E2F3: variants seen among roughly 807,000 people sequenced by gnomAD.
E2F3 encodes the protein transcription factor E2F3.
In E2F3, 11 loss-of-function variants were observed where a neutral mutation model predicts 44.4. The observed-to-expected ratio is 0.25, with a 90% CI of 0.16 to 0.41. E2F3 has a LOEUF of 0.41. Ranked by LOEUF, E2F3 falls within the 10% of genes least tolerant of loss-of-function variation. The pLI is 1.00. For synonymous variants in E2F3, 249 were observed against 253.0 expected (o/e 0.98, Z 0.15); for missense variants, 487 against 583.6 (o/e 0.83, Z 1.70).
At chr6:20,440,293 TA>T (rs1451091422) in intron 1 of E2F3, 1 of 152,216 alleles carries the variant, frequency 6.6e-6, no homozygotes, top group Admixed American at 6.5e-5. Context: ...CCAAAAAAAT[TA>T]AAATAATTTA....
chr6:20,429,424 G>A (rs539437935), intron 1 of E2F3, among the ~76,000 whole-genome samples: 5 of 152,188 alleles, frequency 3.3e-5, no homozygotes, highest in East Asian at 1.9e-4. Flanking sequence ...CCCTTTGTCC[G>A]GTGTATTCGC....
At chr6:20,454,899 ACT>A in intron 1 of E2F3, among the ~76,000 whole-genome samples, 1 of 152,322 alleles carries the variant, frequency 6.6e-6, no homozygotes, top group Admixed American at 6.5e-5. Flanking sequence ...ATTAGACTCC[ACT>A]GGATAGCTTT....
chr6:20,482,801 G>A lies in E2F3; in HGVS notation c.765G>A (p.Gln255=), dbSNP rs1452597766. 25 of 1,612,972 alleles carry A rather than the reference G, an allele frequency of 1.5e-5. No homozygotes were observed. Among genetic ancestry groups the A allele is most frequent in the Non-Finnish European group, 2.1e-5 (25 of 1,179,618 alleles). ...CTGAGGATGGGGGCATGCTGGCCCA[G>A]TGTCAAGGCCTGTCAAAAGAAGTGA... is the stretch of plus-strand genomic sequence containing the variant. ...SLSEDGGMLA[Q]CQGLSKEVTE... The change falls in exon 4 of 7, where the codon CAG becomes CAA. Residue 255 remains glutamine, a synonymous_variant. Coordinates refer to ENST00000346618, the MANE Select transcript of E2F3 (RefSeq NM_001949.5).
chr6:20,455,269 A>G (rs966821828), intron 1 of E2F3, among the ~76,000 whole-genome samples: 2 of 152,192 alleles, frequency 1.3e-5, no homozygotes, highest in African/African-American at 4.8e-5. Flanking sequence ...TGTGTGTTTC[A>G]TTGTAATAGT....
chr6:20,437,045 AG>A (rs1485197468), intron 1 of E2F3, among the ~76,000 whole-genome samples: 1 of 152,204 alleles, frequency 6.6e-6, no homozygotes, highest in Non-Finnish European at 1.5e-5. Context: ...CCTTGAGCCC[AG>A]GAGTTCAAGG....
chr6:20,476,372 CA>C (rs11284242), intron 1 of E2F3, among the ~76,000 whole-genome samples: 5,305 of 140,380 alleles, frequency 0.038, 264 homozygotes, highest in African/African-American at 0.12. Context: ...CTCCGGGTCT[CA>C]AAAAAAAAAA....
chr6:20,450,980 G>T (rs1292436872), intron 1 of E2F3, among the ~76,000 whole-genome samples: 1 of 152,100 alleles, frequency 6.6e-6, no homozygotes, highest in Non-Finnish European at 1.5e-5. Context: ...TGTCCCATTG[G>T]TCTATGTGTC....
chr6:20,460,340 C>T (rs1761458937), intron 1 of E2F3, among the ~76,000 whole-genome samples: 1 of 152,202 alleles, frequency 6.6e-6, no homozygotes, highest in Admixed American at 6.5e-5. Flanking sequence ...CTTCTCCTCA[C>T]TTATGGACTT....
In E2F3 at chr6:20,492,150, A is replaced by G. The variant is rs930909223; in HGVS notation, c.*1720A>G. The G allele has an allele frequency of 1.8e-4, 31 of 168,750 alleles. No individual in the cohort carries two copies. Among genetic ancestry groups the G allele is most frequent in the Admixed American group, 4.2e-4 (6 of 14,162 alleles). 10.5% of individuals were successfully genotyped at this position (168,750 alleles called of 1,614,324 possible). On this transcript the variant is annotated 3_prime_UTR_variant, in exon 7 of 7. Transcript: ENST00000346618. ...AATTGAATTGAAAATATCCCTTAGG[A>G]AAAAAAAAAAACACACAAAAAACCA...
chr6:20,468,331 C>T (rs62398905), intron 1 of E2F3, among the ~76,000 whole-genome samples: 5,330 of 152,316 alleles, frequency 0.035, 118 homozygotes, highest in Middle Eastern at 0.075. Context: ...GCCCATTCCT[C>T]AGATTCAGTT....
rs1487640975 is a variant in E2F3, at chr6:20,492,684, T to G, written c.*2254T>G. 1 of 231,712 alleles carries G rather than the reference T, an allele frequency of 4.3e-6. No individual in the cohort carries two copies. Among genetic ancestry groups the G allele is most frequent in the Non-Finnish European group, 8.6e-6 (1 of 116,882 alleles). 14.4% of individuals were successfully genotyped at this position (231,712 alleles called of 1,614,324 possible). ...AATTTTTTCATAATGTAATGCCGTA[T>G]TTATTGTTTTTAAAATGAAAGGAAT... On this transcript the variant is annotated 3_prime_UTR_variant, in exon 7 of 7. Transcript: ENST00000346618.
intron 1 of E2F3, chr6:20,403,922 C>T (rs1427475923): frequency 1.2e-6 from 1 of 822,692 alleles, no homozygotes; most frequent in East Asian, 3.3e-5. Context: ...GGCGGTTGAG[C>T]GGGGTTTTGG....
intron 5 of E2F3, among the ~76,000 whole-genome samples, chr6:20,487,084 GT>G (rs1456680700): frequency 6.6e-6 from 1 of 152,128 alleles, no homozygotes; most frequent in Non-Finnish European, 1.5e-5. Flanking sequence ...GTCATCAACG[GT>G]TTTGATCAAT....
intron 1 of E2F3, among the ~76,000 whole-genome samples, chr6:20,478,692 C>A (rs1762125514): frequency 6.6e-6 from 1 of 152,082 alleles, no homozygotes; most frequent in African/African-American, 2.4e-5. Flanking sequence ...ACCTGCAGTC[C>A]CAGCTACTTG....
At chr6:20,450,231 A>T (rs778885359) in intron 1 of E2F3, among the ~76,000 whole-genome samples, 9 of 152,146 alleles carry the variant, frequency 5.9e-5, no homozygotes, top group Non-Finnish European at 8.8e-5. Flanking sequence ...GAACTAATTT[A>T]TACTTCCACC....
At chr6:20,405,120 A>G (rs1412565420) in intron 1 of E2F3, among the ~76,000 whole-genome samples, 13 of 152,296 alleles carry the variant, frequency 8.5e-5, no homozygotes, top group African/African-American at 3.1e-4. Context: ...AGTTCATTGT[A>G]TTTAAGTATT....
intron 1 of E2F3, among the ~76,000 whole-genome samples, chr6:20,460,098 A>G (rs1408624406): frequency 2.6e-5 from 4 of 152,172 alleles, no homozygotes; most frequent in Non-Finnish European, 5.9e-5. Context: ...GTCAGTGTTC[A>G]TAGAGGCTTC....
At chr6:20,466,452 A>C (rs1407473018) in intron 1 of E2F3, among the ~76,000 whole-genome samples, 1 of 152,144 alleles carries the variant, frequency 6.6e-6, no homozygotes, top group African/African-American at 2.4e-5. Context: ...TTCTTGCAGA[A>C]GTAAGGTAGT....
intron 1 of E2F3, among the ~76,000 whole-genome samples, chr6:20,474,449 A>G (rs1400423325): frequency 6.6e-6 from 1 of 152,180 alleles, no homozygotes; most frequent in Non-Finnish European, 1.5e-5. Context: ...CACTGCTTGG[A>G]ACCAAATGGC....
Sources: gnomAD v4.1 joint callset for allele counts (sites outside exome capture counted in the v4.1 genomes callset) on GRCh38, gnomAD v4.1.1 for gene constraint, MANE v1.5 for transcripts, NCBI Gene and HGNC (gene_info 2026-07-23, HGNC 2026-07-21) for gene names.